Variants in PM20D2 observed in about 807,000 individuals in gnomAD.
The protein encoded by PM20D2 is peptidase M20 domain containing 2.
Under a neutral mutation model 42.9 loss-of-function variants are expected in PM20D2, and 33 were observed. That is an observed-to-expected ratio of 0.77 (90% CI 0.58 to 1.03). The LOEUF (loss-of-function observed/expected upper bound fraction) is 1.03. Among genes scored for constraint, PM20D2 ranks in the 50% least tolerant of loss-of-function variants. The pLI is 0.00. For missense variants in PM20D2, 548 were observed against 557.0 expected, an observed-to-expected ratio of 0.98 and a Z score of 0.16; for synonymous variants, 250 against 228.2, an observed-to-expected ratio of 1.10 and a Z score of -0.86.
the PM20D2 span, among the ~76,000 whole-genome samples, chr6:89,136,918 T>G: frequency 6.6e-6 from 1 of 151,178 alleles, no homozygotes; most frequent in Non-Finnish European, 1.5e-5. Context: ...GTTTTCATCT[T>G]ACAGACATGT....
intron 2 of PM20D2, among the ~76,000 whole-genome samples, chr6:89,149,720 A>G (rs897685287): frequency 3.3e-5 from 5 of 152,258 alleles, no homozygotes; most frequent in African/African-American, 1.2e-4. Context: ...CTGTCCTTTC[A>G]TATGAAATTG....
rs1314547161 is a variant in PM20D2, at chr6:89,161,817, T to C, written c.1083T>C (p.Val361=). 2.5e-6 allele frequency: 4 copies of C among 1,613,366 alleles called. No individual in the cohort carries two copies. The highest frequency in any genetic ancestry group is 1.6e-4 in the Middle Eastern group (1 of 6,084). The change falls in exon 6 of 7, where the codon GTT becomes GTC. Residue 361 remains valine, a synonymous_variant. Transcript: ENST00000275072. ...STDFGNVSFV[V]PGIHPYFHIG... ...ATTTTGGAAATGTTAGTTTTGTGGT[T>C]CCTGGAATTCATCCATATTTTCACA...
the PM20D2 span, among the ~76,000 whole-genome samples, chr6:89,113,201 A>G: frequency 4.6e-5 from 7 of 151,928 alleles, no homozygotes; most frequent in African/African-American, 1.7e-4. Flanking sequence ...TTGAGACACA[A>G]TTTCACTCTG....
upstream of PM20D2, among the ~76,000 whole-genome samples, chr6:89,141,977 A>ATTTATTTTATTTTAT (rs60637755): frequency 0.027 from 3,998 of 148,686 alleles, 158 homozygotes; most frequent in African/African-American, 0.076. Flanking sequence ...CTTATTTACT[A>ATTTATTTTATTTTAT]TTTATTTTAT....
the PM20D2 span, chr6:89,107,246 C>T: frequency 6.2e-7 from 1 of 1,614,012 alleles, no homozygotes; most frequent in East Asian, 2.2e-5. Flanking sequence ...ACTCACGGCG[C>T]AAGTCCTCAG....
the PM20D2 span, among the ~76,000 whole-genome samples, chr6:89,104,771 G>C: frequency 6.6e-6 from 1 of 152,046 alleles, no homozygotes; most frequent in Admixed American, 6.6e-5. Flanking sequence ...ATATTTTCCA[G>C]GCTGGGTGCA....
chr6:89,094,468 A>AC, the PM20D2 span, among the ~76,000 whole-genome samples: 156 of 148,308 alleles, frequency 1.1e-3, 1 homozygote, highest in African/African-American at 3.4e-3. Context: ...GATCTGCCCC[A>AC]CCCCCCGGAA....
chr6:89,123,719 C>CAA, the PM20D2 span, among the ~76,000 whole-genome samples: 9 of 53,866 alleles, frequency 1.7e-4, no homozygotes, highest in South Asian at 6.3e-4. Flanking sequence ...GAGACTGTCT[C>CAA]AAAAAAAAAA....
At chr6:89,095,484 G>A in the PM20D2 span, among the ~76,000 whole-genome samples, 1 of 152,146 alleles carries the variant, frequency 6.6e-6, no homozygotes, top group African/African-American at 2.4e-5. Context: ...CAGTCAGCCA[G>A]AAATTTAATG....
At chr6:89,126,900 A>G in the PM20D2 span, among the ~76,000 whole-genome samples, 1 of 152,192 alleles carries the variant, frequency 6.6e-6, no homozygotes, top group Non-Finnish European at 1.5e-5. Context: ...AAAGTTATCA[A>G]AAGCTTCTGG....
chr6:89,099,515 TACACAC>T, the PM20D2 span, among the ~76,000 whole-genome samples: 2 of 133,138 alleles, frequency 1.5e-5, no homozygotes, highest in South Asian at 2.2e-4. Context: ...TATATATATA[TACACAC>T]ACACACACAC....
intron 4 of PM20D2, among the ~76,000 whole-genome samples, chr6:89,157,420 A>G (rs556782625): frequency 3.3e-5 from 5 of 152,274 alleles, no homozygotes; most frequent in East Asian, 3.9e-4. Context: ...TTTAATCAAA[A>G]CTGAATCTGT....
the PM20D2 span, among the ~76,000 whole-genome samples, chr6:89,100,522 T>TAAAAAA: frequency 6.9e-6 from 1 of 144,742 alleles, no homozygotes. Context: ...CATGTTATGT[T>TAAAAAA]AAAAAAAAAA....
At chr6:89,121,335 G>A in the PM20D2 span, among the ~76,000 whole-genome samples, 1 of 152,090 alleles carries the variant, frequency 6.6e-6, no homozygotes, top group African/African-American at 2.4e-5. Context: ...TTTTCTGGTT[G>A]GAAGGCCTAA....
At chr6:89,142,008 G>A (rs1401557732), upstream of PM20D2, among the ~76,000 whole-genome samples, 1 of 77,586 alleles carries the variant, frequency 1.3e-5, no homozygotes. Flanking sequence ...TTTTTGTAGA[G>A]TCAGGGTCTC....
chr6:89,144,322 G>A (rs1166460328), upstream of PM20D2, among the ~76,000 whole-genome samples: 1 of 152,204 alleles, frequency 6.6e-6, no homozygotes, highest in Non-Finnish European at 1.5e-5. Context: ...GTTTATTGAT[G>A]CCTGAGGAGG....
In PM20D2 at chr6:89,163,076, CTT is replaced by C. The variant is rs1186705910; in HGVS notation, c.*817_*818del. On this transcript the variant is annotated 3_prime_UTR_variant, in exon 7 of 7. Coordinates refer to ENST00000275072, the MANE Select transcript of PM20D2 (RefSeq NM_001010853.3). ...GCCACCGCACCCGGCCTGCCAGTGTCTTTTTAATACACATGTGTGTTGGTATT... is the reference window on the plus strand; with the variant it reads ...GCCACCGCACCCGGCCTGCCAGTGTCTTTAATACACATGTGTGTTGGTATT... 1 of 152,114 alleles carries C rather than the reference CTT, an allele frequency of 6.6e-6. No homozygotes were observed. Among genetic ancestry groups the C allele is most frequent in the Non-Finnish European group, 1.5e-5 (1 of 68,040 alleles). The allele number at this position is 152,114 out of a possible 1,614,324, so 9.4% of individuals were successfully genotyped here.
chr6:89,161,725 C>G, intron 5 of PM20D2, 58 bp from the exon 6 acceptor site: 1 of 1,342,418 alleles, frequency 7.4e-7, no homozygotes, highest in Non-Finnish European at 1.1e-6. Flanking sequence ...CTTCATAACT[C>G]CAGAATACTT....
the PM20D2 span, among the ~76,000 whole-genome samples, chr6:89,139,336 T>C: frequency 3.9e-4 from 60 of 152,234 alleles, no homozygotes; most frequent in East Asian, 9.9e-3. Context: ...AGGCCTCCCA[T>C]AGCACCGTGA....
Sources: allele counts gnomAD v4.1 joint callset (sites outside exome capture counted in the v4.1 genomes callset), GRCh38; gene constraint gnomAD v4.1.1; transcripts MANE v1.5; gene names NCBI Gene and HGNC (gene_info 2026-07-23, HGNC 2026-07-21).